Variants in LRP1B observed in about 807,000 individuals in gnomAD.
LRP1B encodes the protein LDL receptor related protein 1B.
In LRP1B, 217 loss-of-function variants were observed where a neutral mutation model predicts 556.6. The observed-to-expected ratio is 0.39, with a 90% CI of 0.35 to 0.44. The LOEUF is 0.44. LRP1B is among the 20% of genes least tolerant of loss of function. The pLI is 1.00. For missense variants in LRP1B, 5,053 were observed against 5,620.8 expected (o/e 0.90, Z 3.23); for synonymous variants, 2,047 against 1,865.8 (o/e 1.10, Z -2.50).
chr2:140,932,139 G>T (rs1389494087), intron 20 of LRP1B, among the ~76,000 whole-genome samples: 2 of 151,856 alleles, frequency 1.3e-5, no homozygotes, highest in South Asian at 2.1e-4. Flanking sequence ...TGTGAGGGAG[G>T]GATGGAGAAT....
At chr2:140,749,855 G>T (rs1393213374) in intron 35 of LRP1B, among the ~76,000 whole-genome samples, 1 of 152,070 alleles carries the variant, frequency 6.6e-6, no homozygotes, top group Non-Finnish European at 1.5e-5. Context: ...ATAATTTTAT[G>T]TGCTATACTT....
chr2:140,287,786 G>C (rs934630223), intron 84 of LRP1B, among the ~76,000 whole-genome samples: 7 of 151,576 alleles, frequency 4.6e-5, no homozygotes, highest in Non-Finnish European at 2.9e-5. Flanking sequence ...TGCTACACTG[G>C]TTTTTCTCTT....
intron 3 of LRP1B, among the ~76,000 whole-genome samples, chr2:141,323,201 C>T (rs1028590555): frequency 6.6e-6 from 1 of 152,002 alleles, no homozygotes; most frequent in African/African-American, 2.4e-5. Flanking sequence ...AAGTATTCTC[C>T]TGCCTATATT....
chr2:140,645,491 T>G (rs1413752482), intron 41 of LRP1B, among the ~76,000 whole-genome samples: 2 of 151,528 alleles, frequency 1.3e-5, no homozygotes, highest in African/African-American at 4.8e-5. Context: ...ATTCTTTCTT[T>G]CTATATTCCT....
intron 47 of LRP1B, among the ~76,000 whole-genome samples, chr2:140,530,379 T>C (rs1422983548): frequency 6.6e-6 from 1 of 152,108 alleles, no homozygotes; most frequent in Non-Finnish European, 1.5e-5. Context: ...TGAGCCATTA[T>C]CTATGCCTTT....
At chr2:141,536,666 T>C (rs573680870) in intron 2 of LRP1B, among the ~76,000 whole-genome samples, 1 of 152,174 alleles carries the variant, frequency 6.6e-6, no homozygotes, top group African/African-American at 2.4e-5. Flanking sequence ...GAAGCTCCTC[T>C]AGAACTAGAG....
intron 35 of LRP1B, among the ~76,000 whole-genome samples, chr2:140,723,529 G>A (rs1197518316): frequency 1.5e-5 from 1 of 65,436 alleles, no homozygotes; most frequent in Non-Finnish European, 3.4e-5. Flanking sequence ...TTTTATCATT[G>A]TCATAGCCAT....
intron 3 of LRP1B, among the ~76,000 whole-genome samples, chr2:141,323,096 G>GCTGCTGCTGCTA (rs1414167461): frequency 6.6e-6 from 1 of 152,078 alleles, no homozygotes; most frequent in Non-Finnish European, 1.5e-5. Flanking sequence ...TACTGCTGCT[G>GCTGCTGCTGCTA]CTGCTGCTGC....
At chr2:140,961,950 C>T (rs1016096424) in intron 18 of LRP1B, among the ~76,000 whole-genome samples, 5 of 152,096 alleles carry the variant, frequency 3.3e-5, no homozygotes, top group Non-Finnish European at 5.9e-5. Context: ...GGCAATTATA[C>T]AAAAGGTGTA....
intron 1 of LRP1B, among the ~76,000 whole-genome samples, chr2:142,077,029 T>C (rs1346580696): frequency 1.3e-5 from 2 of 152,094 alleles, no homozygotes; most frequent in African/African-American, 2.4e-5. Flanking sequence ...CCAAAACATT[T>C]ATTAACTCTA....
At chr2:142,022,712 C>T (rs1703376144) in intron 1 of LRP1B, among the ~76,000 whole-genome samples, 1 of 151,958 alleles carries the variant, frequency 6.6e-6, no homozygotes, top group Middle Eastern at 3.2e-3. Context: ...GCTCTGTTGC[C>T]CAGGCTGGAG....
At position 140,794,478 on chromosome 2, in the gene LRP1B, A is replaced by AACACACAC. The variant is rs6146938; in HGVS notation, c.5360-18248_5360-18241dup. The stretch of plus-strand genomic sequence containing the variant: ...ACTTGGAGGCATATTAGCTATTTAA[A>AACACACAC]ACACACACACACACACACACACACA... On this transcript the variant is annotated intron_variant, in intron 32 of 90. Coordinates refer to ENST00000389484, the MANE Select transcript of LRP1B (RefSeq NM_018557.3). Among the ~76,000 whole-genome samples the AACACACAC allele has an allele frequency of 9.9e-3, 1,481 of 150,016 alleles. 9 individuals are homozygous for AACACACAC. Among genetic ancestry groups the AACACACAC allele is most frequent in the African/African-American group, 0.018 (714 of 40,676 alleles).
chr2:141,564,411 G>A (rs946917300), intron 2 of LRP1B, among the ~76,000 whole-genome samples: 5 of 152,052 alleles, frequency 3.3e-5, no homozygotes, highest in Admixed American at 1.3e-4. Flanking sequence ...ACTGAATTTA[G>A]GATATTCTTG....
At chr2:141,174,691 G>A (rs968905482) in intron 7 of LRP1B, among the ~76,000 whole-genome samples, 2 of 152,032 alleles carry the variant, frequency 1.3e-5, no homozygotes, top group Non-Finnish European at 2.9e-5. Flanking sequence ...AGCAGTGTGA[G>A]AGTGGACTAA....
At chr2:141,493,891 G>A (rs1189889033) in intron 2 of LRP1B, among the ~76,000 whole-genome samples, 1 of 152,136 alleles carries the variant, frequency 6.6e-6, no homozygotes, top group Non-Finnish European at 1.5e-5. Context: ...TTGACCCTAG[G>A]TTGTCCTTAG....
chr2:141,483,002 G>A (rs1384173413), intron 2 of LRP1B, among the ~76,000 whole-genome samples: 3 of 151,960 alleles, frequency 2.0e-5, no homozygotes, highest in African/African-American at 7.2e-5. Flanking sequence ...TAGGGTACGT[G>A]TGCACAACGT....
chr2:140,555,814 T>C (rs1680711691), intron 43 of LRP1B, among the ~76,000 whole-genome samples: 1 of 152,116 alleles, frequency 6.6e-6, no homozygotes, highest in African/African-American at 2.4e-5. Flanking sequence ...AGAGAAATCT[T>C]TGTGTTCCAA....
intron 66 of LRP1B, among the ~76,000 whole-genome samples, chr2:140,416,427 G>T (rs1450721900): frequency 6.6e-6 from 1 of 152,104 alleles, no homozygotes; most frequent in Non-Finnish European, 1.5e-5. Context: ...AGGCTGAGGT[G>T]GGCAGATCAC....
chr2:140,797,700 T>G (rs1690366145), intron 32 of LRP1B, among the ~76,000 whole-genome samples: 1 of 152,144 alleles, frequency 6.6e-6, no homozygotes, highest in Non-Finnish European at 1.5e-5. Context: ...TATAATACTT[T>G]AATGGCAGCA....
Sources: gnomAD v4.1 joint callset for allele counts (sites outside exome capture counted in the v4.1 genomes callset) on GRCh38, gnomAD v4.1.1 for gene constraint, MANE v1.5 for transcripts, NCBI Gene and HGNC (gene_info 2026-07-23, HGNC 2026-07-21) for gene names.